Variants in ATL2 observed in about 807,000 individuals in gnomAD.
ATL2 encodes the protein atlastin GTPase 2, also known as atlastin-2.
ATL2 carries 31 observed loss-of-function variants against 73.9 expected under a neutral mutation model. The observed-to-expected ratio is 0.42, with a 90% CI of 0.32 to 0.57. The LOEUF (loss-of-function observed/expected upper bound fraction) is 0.57, where lower values mean the gene tolerates loss of function less well. Ranked by LOEUF, ATL2 falls within the 20% of genes least tolerant of loss-of-function variation. The probability of loss-of-function intolerance (pLI) is 0.14; values close to 1 mark genes in which losing one functional copy is unlikely to be tolerated. For missense variants in ATL2, 738 were observed against 702.6 expected (o/e 1.05, Z -0.57); for synonymous variants, 291 against 237.5 (o/e 1.23, Z -2.07).
Position 38,329,174 on chromosome 2 carries a change from C to T in ATL2, c.364-10155G>A, listed in dbSNP as rs1257793920. ...AGGCGTGGTAGCTCATGCCTGTAAT[C>T]CCAACACTTTGGGAGGCCGAGATGG... is the stretch of plus-strand genomic sequence containing the variant. On this transcript the variant is annotated intron_variant, in intron 2 of 12. Transcript: ENST00000378954. Among the ~76,000 whole-genome samples, 6 of 148,468 alleles carry T rather than the reference C, an allele frequency of 4.0e-5. No individual in the cohort carries two copies. The East Asian group carries it at 9.9e-4, about 25-fold the overall frequency.
chr2:38,325,665 C>CACACACACACACACACACACACCAGT (rs1668578710), intron 2 of ATL2, among the ~76,000 whole-genome samples: 1 of 33,404 alleles, frequency 3.0e-5, no homozygotes, highest in Non-Finnish European at 4.7e-5. Context: ...CACCAGTACA[C>CACACACACACACACACACACACCAGT]ACACACACAC....
chr2:38,299,745 T>C (rs1667087778), intron 10 of ATL2, among the ~76,000 whole-genome samples: 1 of 152,212 alleles, frequency 6.6e-6, no homozygotes, highest in Admixed American at 6.5e-5. Flanking sequence ...CGGCAAATAC[T>C]GTTTAATCTA....
chr2:38,335,442 T>C (rs979217545), intron 2 of ATL2, among the ~76,000 whole-genome samples: 2 of 152,204 alleles, frequency 1.3e-5, no homozygotes, highest in Non-Finnish European at 2.9e-5. Context: ...CATGTAACAA[T>C]GTGCATACAC....
chr2:38,355,393 G>A (rs1474594600), intron 1 of ATL2, among the ~76,000 whole-genome samples: 2 of 152,156 alleles, frequency 1.3e-5, no homozygotes, highest in Non-Finnish European at 2.9e-5. Context: ...TGGGATTACA[G>A]GCGTGAGCCA....
intron 2 of ATL2, among the ~76,000 whole-genome samples, chr2:38,325,627 TACACACACACAC>T (rs768444431): frequency 1.9e-5 from 1 of 53,420 alleles, no homozygotes. Context: ...CACCAGTACA[TACACACACACAC>T]ACACACACAC....
chr2:38,347,196 A>G (rs1466368412), intron 1 of ATL2, among the ~76,000 whole-genome samples: 1 of 152,238 alleles, frequency 6.6e-6, no homozygotes, highest in Non-Finnish European at 1.5e-5. Context: ...CATGGCTTCT[A>G]TAGTCGTATG....
intron 1 of ATL2, among the ~76,000 whole-genome samples, chr2:38,367,841 C>CG (rs2124488035): frequency 6.6e-6 from 1 of 151,536 alleles, no homozygotes; most frequent in South Asian, 2.1e-4. Flanking sequence ...CCATGTTGTC[C>CG]GGGCTGGTCT....
chr2:38,308,287 C>T (rs1667562032), intron 9 of ATL2, among the ~76,000 whole-genome samples: 1 of 152,130 alleles, frequency 6.6e-6, no homozygotes, highest in Non-Finnish European at 1.5e-5. Flanking sequence ...AGAATGAGAT[C>T]CTGTCATTTC....
At chr2:38,303,984 C>T (rs886217178) in intron 9 of ATL2, among the ~76,000 whole-genome samples, 6 of 152,036 alleles carry the variant, frequency 3.9e-5, no homozygotes, top group African/African-American at 9.7e-5. Flanking sequence ...CAACAACAGG[C>T]CAGGCACGGT....
Position 38,310,440 on chromosome 2 carries a change from T to C in ATL2, c.812A>G (p.Gln271Arg), listed in dbSNP as rs773248420. ...QFLEKRLQVKQNQHEELQNVR... is the reference protein window; with the variant it reads ...QFLEKRLQVKRNQHEELQNVR... Reference sequence around the variant, plus strand: ...ATTCTGAAGCTCTTCATGTTGATTTTGTTTTACCTGAGGGCGGAGAGAGAC... The same window carrying C: ...ATTCTGAAGCTCTTCATGTTGATTTCGTTTTACCTGAGGGCGGAGAGAGAC... Residue 271 changes from glutamine (Q) to arginine (R), a missense_variant, in exon 8 of 13, where the codon CAA (glutamine) becomes CGA (arginine). Coordinates refer to ENST00000378954, the MANE Select transcript of ATL2 (RefSeq NM_001135673.4). The C allele has an allele frequency of 2.5e-6, 4 of 1,591,542 alleles. No homozygotes were observed. In the East Asian group the frequency reaches 9.0e-5, roughly 36 times the overall value.
chr2:38,312,564 T>C (rs895753300), intron 7 of ATL2, among the ~76,000 whole-genome samples: 1 of 151,852 alleles, frequency 6.6e-6, no homozygotes, highest in Admixed American at 6.6e-5. Flanking sequence ...ACAAAAAATA[T>C]GCCAGGCGTG....
At chr2:38,334,618 A>T (rs1669197327) in intron 2 of ATL2, among the ~76,000 whole-genome samples, 1 of 151,080 alleles carries the variant, frequency 6.6e-6, no homozygotes, top group Non-Finnish European at 1.5e-5. Context: ...GAATTGCTTG[A>T]ACCTGGGAGG....
chr2:38,365,068 G>C (rs1327951018), intron 1 of ATL2, among the ~76,000 whole-genome samples: 1 of 150,292 alleles, frequency 6.7e-6, no homozygotes, highest in Non-Finnish European at 1.5e-5. Flanking sequence ...ATTACTTTAA[G>C]AGTTGTAAAG....
At chr2:38,354,017 A>T in intron 1 of ATL2, 1 of 285,848 alleles carries the variant, frequency 3.5e-6, no homozygotes, top group Non-Finnish European at 6.9e-6. Context: ...ACATGGTGAA[A>T]CCCCGTCTCT....
chr2:38,366,097 GAA>G (rs376873019), intron 1 of ATL2, among the ~76,000 whole-genome samples: 5 of 102,174 alleles, frequency 4.9e-5, no homozygotes, highest in African/African-American at 7.2e-5. Flanking sequence ...TGACTAATTT[GAA>G]AAAAAAAAAA....
rs573777361 is a variant in ATL2, at chr2:38,367,361, T to C, written c.118+9782A>G. Among the ~76,000 whole-genome samples the C allele has an allele frequency of 5.3e-5, 8 of 151,490 alleles. No homozygotes were observed. The East Asian group carries it at 1.2e-3, about 23-fold the overall frequency. On this transcript the variant is annotated intron_variant, in intron 1 of 12. Transcript: ENST00000378954. ...GCTCATGCCTATAATCTCAGCACTT[T>C]GGGAGGCCAAGGCGGGCAGATCACG...
intron 10 of ATL2, among the ~76,000 whole-genome samples, chr2:38,299,591 G>T (rs1034893594): frequency 1.3e-5 from 2 of 152,154 alleles, no homozygotes; most frequent in South Asian, 4.1e-4. Flanking sequence ...CTCAGGAAAT[G>T]GATAAAGATA....
At chr2:38,340,456 G>C (rs1009789960) in intron 2 of ATL2, among the ~76,000 whole-genome samples, 15 of 152,226 alleles carry the variant, frequency 9.9e-5, no homozygotes, top group African/African-American at 3.6e-4. Context: ...TTATTTAGGA[G>C]GGGAAAGCCA....
At chr2:38,334,895 T>C (rs1274758720) in intron 2 of ATL2, among the ~76,000 whole-genome samples, 1 of 138,144 alleles carries the variant, frequency 7.2e-6, no homozygotes, top group African/African-American at 2.6e-5. Context: ...ATATATAATA[T>C]ATATTATTTA....
Sources: allele counts gnomAD v4.1 joint callset (sites outside exome capture counted in the v4.1 genomes callset), GRCh38; gene constraint gnomAD v4.1.1; transcripts MANE v1.5; gene names NCBI Gene and HGNC (gene_info 2026-07-23, HGNC 2026-07-21).